GAS7: variants seen among roughly 807,000 people sequenced by gnomAD.
GAS7 encodes the protein growth arrest specific 7.
GAS7 carries 28 observed loss-of-function variants against 71.1 expected under a neutral mutation model. That is an observed-to-expected ratio of 0.39 (90% CI 0.29 to 0.54). The LOEUF is 0.54. Ranked by LOEUF, GAS7 falls within the 20% of genes least tolerant of loss-of-function variation. GAS7 has a pLI of 0.62. For missense variants in GAS7, 436 were observed against 627.8 expected, an observed-to-expected ratio of 0.69 and a Z score of 3.27; for synonymous variants, 258 against 245.8, an observed-to-expected ratio of 1.05 and a Z score of -0.46.
chr17:10,019,879 G>C lies in GAS7; in HGVS notation c.202C>G (p.Pro68Ala), dbSNP rs893927858. The C allele has an allele frequency of 1.9e-6, 3 of 1,613,948 alleles. No individual in the cohort carries two copies. Among genetic ancestry groups the C allele is most frequent in the South Asian group, 1.1e-5 (1 of 91,088 alleles). The change falls in exon 2 of 14, where the codon CCT (proline) becomes GCT (alanine). Residue 68 changes from proline (P) to alanine (A), a missense_variant. Transcript: ENST00000432992. Reference sequence around the variant, plus strand: ...GTCTGGCTTTCTTCTCCCGGCGGAGGGGGGACCATTCCAGGCTTCTGTTGG... The same window carrying C: ...GTCTGGCTTTCTTCTCCCGGCGGAGCGGGGACCATTCCAGGCTTCTGTTGG... Reference protein sequence around the residue: ...QLLEKPGMVPPPPGEESQTVI... With the variant: ...QLLEKPGMVPAPPGEESQTVI...
At chr17:10,053,327 A>C (rs1297872694) in intron 1 of GAS7, among the ~76,000 whole-genome samples, 1 of 152,170 alleles carries the variant, frequency 6.6e-6, no homozygotes, top group Non-Finnish European at 1.5e-5. Flanking sequence ...CTGCCCACTA[A>C]AGTAACTAAA....
chr17:10,067,961 G>A (rs2073299571), intron 1 of GAS7, among the ~76,000 whole-genome samples: 1 of 152,168 alleles, frequency 6.6e-6, no homozygotes, highest in African/African-American at 2.4e-5. Context: ...TAAAGAATCG[G>A]GGTGTGGCCT....
rs772195000 is a variant in GAS7 at position 10,019,913 on chromosome 17, G to A, written c.184-16C>T. 3.1e-6 allele frequency: 5 copies of A among 1,611,674 alleles called. No homozygotes were observed. The highest frequency in any genetic ancestry group is 4.2e-6 in the Non-Finnish European group (5 of 1,179,594). On this transcript the variant is annotated splice_polypyrimidine_tract_variant and intron_variant, in intron 1 of 13. Transcript: ENST00000432992. ...TTCCAGGCTTCTGTTGGAGAAGAAA[G>A]AAAAGGTCACACCCATTTGGCATTT...
At chr17:9,962,175 T>C (rs1042774030) in intron 4 of GAS7, among the ~76,000 whole-genome samples, 6 of 152,292 alleles carry the variant, frequency 3.9e-5, no homozygotes, top group South Asian at 2.1e-4. Flanking sequence ...TCTCAGGCTC[T>C]GCCTGTGCTG....
At chr17:9,992,850 C>T (rs982218650) in intron 2 of GAS7, among the ~76,000 whole-genome samples, 42 of 149,918 alleles carry the variant, frequency 2.8e-4, no homozygotes, top group African/African-American at 7.1e-4. Context: ...TGAGAATATG[C>T]GGTGTTTGGT....
At chr17:9,978,118 G>A (rs1315136039) in intron 3 of GAS7, among the ~76,000 whole-genome samples, 1 of 152,044 alleles carries the variant, frequency 6.6e-6, no homozygotes, top group Non-Finnish European at 1.5e-5. Context: ...GGAGGCTGAG[G>A]TGAGAGAATC....
In GAS7 at chr17:10,198,179, C is replaced by T. The variant is rs149399480; in HGVS notation, c.183+29G>A. The T allele has an allele frequency of 8.9e-3, 14,197 of 1,595,282 alleles. 85 individuals carry two copies. The highest frequency in any genetic ancestry group is 0.011 in the Non-Finnish European group (12,315 of 1,170,006). On this transcript the variant is annotated intron_variant, in intron 1 of 13. Transcript: ENST00000432992. ...AGCGCACCGAGGACCGCAGCCCCGG[C>T]TCCTACAGCCCCGGCCCTCGCCCCT...
chr17:10,128,638 T>C (rs1207624238), intron 1 of GAS7, among the ~76,000 whole-genome samples: 1 of 151,532 alleles, frequency 6.6e-6, no homozygotes, highest in Non-Finnish European at 1.5e-5. Context: ...TCTCTTTTTT[T>C]TTTTTTTTTG....
At chr17:10,167,042 G>GTT (rs2074299307) in intron 1 of GAS7, among the ~76,000 whole-genome samples, 2 of 46,610 alleles carry the variant, frequency 4.3e-5, no homozygotes, top group African/African-American at 9.8e-5. Flanking sequence ...ATTTCCATTT[G>GTT]TCTTTTTTTT....
chr17:9,951,780 A>AAAAAAAAC (rs1567814280), intron 5 of GAS7, among the ~76,000 whole-genome samples: 2 of 141,940 alleles, frequency 1.4e-5, no homozygotes, highest in African/African-American at 5.5e-5. Context: ...AAAAAAAAAA[A>AAAAAAAAC]AAAAAACAAG....
At chr17:10,120,036 G>A (rs939180216) in intron 1 of GAS7, among the ~76,000 whole-genome samples, 2 of 152,226 alleles carry the variant, frequency 1.3e-5, no homozygotes, top group Non-Finnish European at 2.9e-5. Flanking sequence ...AGGACTGCTA[G>A]TGAGCAGAGC....
intron 1 of GAS7, among the ~76,000 whole-genome samples, chr17:10,069,523 G>C (rs977576012): frequency 1.3e-5 from 2 of 152,208 alleles, no homozygotes; most frequent in African/African-American, 4.8e-5. Context: ...CACATGACAA[G>C]CATGAGCTCA....
intron 1 of GAS7, among the ~76,000 whole-genome samples, chr17:10,174,538 A>C (rs2074357961): frequency 6.6e-6 from 1 of 152,010 alleles, no homozygotes; most frequent in Non-Finnish European, 1.5e-5. Flanking sequence ...TAAAAATACA[A>C]AAAATTAGCC....
intron 1 of GAS7, among the ~76,000 whole-genome samples, chr17:10,113,101 G>C (rs913170607): frequency 6.6e-6 from 1 of 152,124 alleles, no homozygotes; most frequent in Non-Finnish European, 1.5e-5. Flanking sequence ...GGCTGCAATA[G>C]AGTGGGGGAG....
At chr17:9,987,098 A>G (rs1033198314) in intron 2 of GAS7, among the ~76,000 whole-genome samples, 2 of 152,216 alleles carry the variant, frequency 1.3e-5, no homozygotes, top group Admixed American at 1.3e-4. Context: ...CGGCAGCTCC[A>G]GGCCTCAAGA....
chr17:10,008,209 G>C (rs967576197), intron 2 of GAS7, among the ~76,000 whole-genome samples: 3 of 152,028 alleles, frequency 2.0e-5, no homozygotes, highest in African/African-American at 7.3e-5. Context: ...CACACTTTTT[G>C]TGTGGACGTG....
At chr17:9,940,333 C>G (rs1378041178) in intron 7 of GAS7, 133 bp from the exon 8 acceptor site, 3 of 721,444 alleles carry the variant, frequency 4.2e-6, no homozygotes, top group Non-Finnish European at 5.1e-6. Context: ...TGGCTCTTGT[C>G]TGTCTACCTG....
At chr17:10,080,638 G>A (rs998362326) in intron 1 of GAS7, among the ~76,000 whole-genome samples, 6 of 152,148 alleles carry the variant, frequency 3.9e-5, no homozygotes, top group African/African-American at 1.4e-4. Flanking sequence ...TATACAACTT[G>A]TTTCTAGATA....
chr17:10,046,457 C>T (rs755294470), intron 1 of GAS7, among the ~76,000 whole-genome samples: 6 of 151,626 alleles, frequency 4.0e-5, no homozygotes, highest in Non-Finnish European at 7.4e-5. Flanking sequence ...TCTTGCAAAC[C>T]GCTGGGCGCG....
Sources: allele counts gnomAD v4.1 joint callset (sites outside exome capture counted in the v4.1 genomes callset), GRCh38; gene constraint gnomAD v4.1.1; transcripts MANE v1.5; gene names NCBI Gene and HGNC (gene_info 2026-07-23, HGNC 2026-07-21).